ASTN1: variants seen among roughly 807,000 people sequenced by gnomAD.
ASTN1 encodes astrotactin 1.
ASTN1 carries 41 observed loss-of-function variants against 140.7 expected under a neutral mutation model. The ratio of observed to expected loss-of-function variants is 0.29; its 90% CI spans 0.23 to 0.38. ASTN1 has a LOEUF of 0.38. Ranked by LOEUF, ASTN1 falls within the 10% of genes least tolerant of loss-of-function variation. The pLI, the probability that ASTN1 is intolerant of heterozygous loss-of-function variation, is 1.00. For synonymous variants in ASTN1, 640 were observed against 652.2 expected (o/e 0.98, Z 0.29); for missense variants, 1,479 against 1,678.8 (o/e 0.88, Z 2.08).
intron 14 of ASTN1, 152 bp downstream of exon 14, chr1:176,943,739 C>T: frequency 1.0e-6 from 1 of 991,378 alleles, no homozygotes; most frequent in Non-Finnish European, 1.4e-6. Flanking sequence ...AATAATCCTA[C>T]TAGCATTCAG....
At chr1:176,942,866 A>ATATATATATATATATATAT (rs1385017638) in intron 14 of ASTN1, among the ~76,000 whole-genome samples, 11 of 69,992 alleles carry the variant, frequency 1.6e-4, no homozygotes, top group African/African-American at 2.2e-4. Flanking sequence ...ATATATATAT[A>ATATATATATATATATATAT]GATTGATGTC....
chr1:176,926,895 A>C (rs1043021245), intron 16 of ASTN1, among the ~76,000 whole-genome samples: 7 of 152,198 alleles, frequency 4.6e-5, no homozygotes, highest in Non-Finnish European at 7.3e-5. Context: ...GGCTGTCCGC[A>C]TTCACAGAGC....
intron 17 of ASTN1, among the ~76,000 whole-genome samples, chr1:176,891,619 C>G (rs1457672913): frequency 6.6e-6 from 1 of 152,102 alleles, no homozygotes; most frequent in African/African-American, 2.4e-5. Flanking sequence ...CATGGAGAAA[C>G]CCCATCTCTA....
intron 9 of ASTN1, 97 bp from the exon 10 acceptor site, chr1:176,958,579 C>T (rs1571568108): frequency 3.6e-6 from 5 of 1,402,488 alleles, no homozygotes; most frequent in Non-Finnish European, 4.7e-6. Context: ...TCTTCTCACC[C>T]TTTGTAGTCC....
chr1:177,131,018 A>G (rs999537376), intron 1 of ASTN1, among the ~76,000 whole-genome samples: 1 of 152,174 alleles, frequency 6.6e-6, no homozygotes, highest in Non-Finnish European at 1.5e-5. Flanking sequence ...AATCCTATTA[A>G]AAAGCACCTT....
chr1:177,027,198 T>A (rs2101965005), intron 5 of ASTN1, among the ~76,000 whole-genome samples: 1 of 152,114 alleles, frequency 6.6e-6, no homozygotes, highest in East Asian at 1.9e-4. Flanking sequence ...TCAAACAACA[T>A]CTCCCTGTAA....
chr1:177,053,394 T>G (rs1402981112), intron 2 of ASTN1, among the ~76,000 whole-genome samples: 1 of 152,154 alleles, frequency 6.6e-6, no homozygotes, highest in Non-Finnish European at 1.5e-5. Context: ...AAAAACAGAT[T>G]TGCAAAGAAG....
intron 3 of ASTN1, 64 bp downstream of exon 3, chr1:177,032,392 T>C (rs775761444): frequency 6.4e-7 from 1 of 1,566,794 alleles, no homozygotes; most frequent in Non-Finnish European, 8.7e-7. Context: ...CAGCTGTTCC[T>C]ACCCACTCCC....
intron 18 of ASTN1, among the ~76,000 whole-genome samples, chr1:176,887,047 A>G (rs1220500514): frequency 2.0e-5 from 3 of 152,092 alleles, no homozygotes; most frequent in African/African-American, 7.2e-5. Flanking sequence ...CCATTCTCAG[A>G]CACCTTTGTA....
rs142159396 is a variant in ASTN1 at position 177,076,336 on chromosome 1, A to C, written c.284-15071T>G. Among the ~76,000 whole-genome samples, 26 of 151,486 alleles carry C rather than the reference A, an allele frequency of 1.7e-4. No individual in the cohort carries two copies. In the East Asian group the frequency reaches 5.1e-3, roughly 29 times the overall value. On this transcript the variant is annotated intron_variant, in intron 1 of 22. Transcript: ENST00000361833. ...AAAAAGAAAAGAAAGAAAGAAAAAG[A>C]AATCCCTCACACCATGCACCGTCCT...
intron 1 of ASTN1, among the ~76,000 whole-genome samples, chr1:177,096,004 T>C (rs908067382): frequency 2.0e-5 from 3 of 152,238 alleles, no homozygotes; most frequent in Non-Finnish European, 4.4e-5. Flanking sequence ...GGAGACTTAA[T>C]GTTTAGACTT....
intron 1 of ASTN1, among the ~76,000 whole-genome samples, chr1:177,090,581 A>G (rs1185186253): frequency 6.6e-6 from 1 of 152,150 alleles, no homozygotes; most frequent in Non-Finnish European, 1.5e-5. Flanking sequence ...TATAGACCCA[A>G]TACCCATTTG....
At chr1:177,045,688 T>G (rs1032572282) in intron 2 of ASTN1, among the ~76,000 whole-genome samples, 1 of 152,192 alleles carries the variant, frequency 6.6e-6, no homozygotes, top group African/African-American at 2.4e-5. Flanking sequence ...TACCTTTTGG[T>G]GTCTTTAGCC....
At chr1:177,028,601 T>C (rs138854753) in intron 5 of ASTN1, among the ~76,000 whole-genome samples, 127 of 152,256 alleles carry the variant, frequency 8.3e-4, no homozygotes, top group African/African-American at 2.9e-3. Flanking sequence ...TGTTATGGAA[T>C]GTATTACAAG....
intron 7 of ASTN1, among the ~76,000 whole-genome samples, chr1:177,018,829 G>A (rs1025754505): frequency 1.3e-5 from 2 of 152,156 alleles, no homozygotes. Context: ...AAAAACCCTT[G>A]CAAAGCGCAG....
intron 8 of ASTN1, among the ~76,000 whole-genome samples, chr1:177,014,534 A>AG (rs1246899421): frequency 5.3e-5 from 8 of 152,176 alleles, no homozygotes; most frequent in African/African-American, 1.9e-4. Context: ...AAAGGAAGAG[A>AG]GGGACAGCTT....
At chr1:176,936,990 T>C (rs1244858983) in intron 14 of ASTN1, among the ~76,000 whole-genome samples, 1 of 152,194 alleles carries the variant, frequency 6.6e-6, no homozygotes, top group Non-Finnish European at 1.5e-5. Flanking sequence ...GTAAAAGTAC[T>C]TCAAAAAAAG....
intron 16 of ASTN1, among the ~76,000 whole-genome samples, chr1:176,919,036 G>T (rs1195261082): frequency 6.6e-6 from 1 of 152,178 alleles, no homozygotes; most frequent in Non-Finnish European, 1.5e-5. Flanking sequence ...TTTAAAGGGG[G>T]CCACTGCCCC....
At chr1:176,873,126 C>G (rs1403441300) in intron 21 of ASTN1, among the ~76,000 whole-genome samples, 2 of 152,152 alleles carry the variant, frequency 1.3e-5, no homozygotes, top group Non-Finnish European at 2.9e-5. Flanking sequence ...TTGTGTGTAG[C>G]ATCTAATAGC....
Sources: allele counts gnomAD v4.1 joint callset (sites outside exome capture counted in the v4.1 genomes callset), GRCh38; gene constraint gnomAD v4.1.1; transcripts MANE v1.5; gene names NCBI Gene and HGNC (gene_info 2026-07-23, HGNC 2026-07-21).